The following ZNF184 variants were observed in gnomAD, a reference collection of about 807,000 sequenced individuals.
The protein encoded by ZNF184 is zinc finger protein 184 (Kruppel-like).
A neutral mutation model predicts 54.4 loss-of-function variants in ZNF184; 16 were observed. The observed-to-expected ratio is 0.29, with a 90% CI of 0.20 to 0.45. ZNF184 has a LOEUF of 0.45. ZNF184 is among the 20% of genes least tolerant of loss of function. ZNF184 has a pLI of 1.00. For missense variants in ZNF184, 681 were observed against 888.2 expected (o/e 0.77, Z 2.97); for synonymous variants, 254 against 295.3 (o/e 0.86, Z 1.43).
chr6:27,453,875 A>G lies in ZNF184; in HGVS notation c.299-615T>C, dbSNP rs1037252865. 4.6e-5 allele frequency among the ~76,000 whole-genome samples: 7 copies of G among 152,226 alleles called. No individual in the cohort carries two copies. Among genetic ancestry groups the G allele is most frequent in the African/African-American group, 1.7e-4 (7 of 41,464 alleles). ...GTTTGTGGAAGTGAAAGATGCCAAC[A>G]TCAGAATAACAAGGATGTTCAAATG... On this transcript the variant is annotated intron_variant, in intron 5 of 5. Coordinates refer to ENST00000683788, the MANE Select transcript of ZNF184 (RefSeq NM_001318891.2). The surrounding 1 kb of genome is among the most constrained non-coding windows in gnomAD (Gnocchi z 4.7).
chr6:27,424,544 A>T, the ZNF184 span, among the ~76,000 whole-genome samples: 1 of 152,180 alleles, frequency 6.6e-6, no homozygotes. Context: ...AGTTAGATAC[A>T]GAGTATGGAC....
chr6:27,417,630 A>T, the ZNF184 span, among the ~76,000 whole-genome samples: 177 of 152,184 alleles, frequency 1.2e-3, 2 homozygotes, highest in East Asian at 0.033. Context: ...TCTGGTTCTC[A>T]ATTTGCCCAT....
intron 5 of ZNF184, among the ~76,000 whole-genome samples, chr6:27,454,949 T>C (rs865851981): frequency 1.3e-5 from 2 of 152,142 alleles, no homozygotes; most frequent in Non-Finnish European, 2.9e-5. Context: ...ATCAGGGTTA[T>C]AGATCATGAT....
the ZNF184 span, among the ~76,000 whole-genome samples, chr6:27,432,622 C>G: frequency 3.9e-5 from 6 of 152,102 alleles, no homozygotes; most frequent in Non-Finnish European, 5.9e-5. The surrounding 1 kb of genome is among the most constrained non-coding windows in gnomAD (Gnocchi z 4.0). Context: ...GCTCTTTCTC[C>G]CAGATCTTTC....
In ZNF184 at chr6:27,467,872, A is replaced by G. The variant is rs1763180280; in HGVS notation, c.56T>C (p.Leu19Pro). ...STLLQGGHNL[L>P]SSASFQEAVT... Reference sequence around the variant, plus strand: ...TCTTACCTGAAAACTGGCTGATGAGAGTAGATTATGTCCCCCTTGGAGAAG... The same window carrying G: ...TCTTACCTGAAAACTGGCTGATGAGGGTAGATTATGTCCCCCTTGGAGAAG... The change falls in exon 3 of 6, where the codon CTC (leucine) becomes CCC (proline). Residue 19 changes from leucine (L) to proline (P), a missense_variant. Physicochemically the swap from Leu to Pro is moderately conservative, Grantham distance 98. Coordinates refer to ENST00000683788, the MANE Select transcript of ZNF184 (RefSeq NM_001318891.2). The G allele has an allele frequency of 1.2e-6, 2 of 1,612,304 alleles. No homozygotes were observed. The highest frequency in any genetic ancestry group is 1.7e-6 in the Non-Finnish European group (2 of 1,179,214).
chr6:27,416,889 G>C, the ZNF184 span, among the ~76,000 whole-genome samples: 1 of 152,116 alleles, frequency 6.6e-6, no homozygotes, highest in Non-Finnish European at 1.5e-5. Flanking sequence ...TAATATTGAG[G>C]TTTAGAGAGA....
chr6:27,462,798 G>A lies in ZNF184; in HGVS notation c.75+5055C>T, dbSNP rs1306430139. On this transcript the variant is annotated intron_variant, in intron 3 of 5. Transcript: ENST00000683788. ...GAGAACCGCTTGAACCCAGGAGGCA[G>A]AGGTTGCAGTGAGCTGAGATTGTGC... Among the ~76,000 whole-genome samples, 3 of 151,100 alleles carry A rather than the reference G, an allele frequency of 2.0e-5. No individual in the cohort carries two copies. In the East Asian group the frequency reaches 6.1e-4, roughly 30 times the overall value.
At chr6:27,422,148 A>AAAGAAAGAAAAGAAAG in the ZNF184 span, among the ~76,000 whole-genome samples, 1 of 43,456 alleles carries the variant, frequency 2.3e-5, no homozygotes, top group African/African-American at 8.5e-5. Flanking sequence ...CTCAAAAAAA[A>AAAGAAAGAAAAGAAAG]AAAGAAAGAA....
chr6:27,419,788 T>C, the ZNF184 span, among the ~76,000 whole-genome samples: 2 of 152,156 alleles, frequency 1.3e-5, no homozygotes, highest in African/African-American at 4.8e-5. The surrounding 1 kb of genome is among the most constrained non-coding windows in gnomAD (Gnocchi z 4.8). Flanking sequence ...TGGGCCACTG[T>C]TATCTCTCAC....
Position 27,452,951 on chromosome 6 carries a change from G to A in ZNF184, c.608C>T (p.Thr203Ile). 2 of 1,614,116 alleles carry A rather than the reference G, an allele frequency of 1.2e-6. No homozygotes were observed. The highest frequency in any genetic ancestry group is 1.7e-6 in the Non-Finnish European group (2 of 1,180,008). Residue 203 changes from threonine (T) to isoleucine (I), a missense_variant, in exon 6 of 6, where the codon ACC (threonine) becomes ATC (isoleucine). By Grantham distance (89) the Thr-to-Ile change is moderately conservative. Coordinates refer to ENST00000683788, the MANE Select transcript of ZNF184 (RefSeq NM_001318891.2). This position sits in a 1 kb window ranked among gnomAD's most constrained non-coding sequence, Gnocchi z 5.5. ...LVTQEPSPEE[T>I]STKRSIKQNS... is the part of the protein sequence containing the mutation. ...CTGTTTGATGCTTCTTTTAGTAGAG[G>A]TCTCTTCTGGAGATGGTTCTTGTGT...
chr6:27,413,561 T>G, the ZNF184 span, among the ~76,000 whole-genome samples: 1 of 152,228 alleles, frequency 6.6e-6, no homozygotes, highest in Non-Finnish European at 1.5e-5. Context: ...TTTGTTTTAT[T>G]TGTCCCTTTT....
the ZNF184 span, among the ~76,000 whole-genome samples, chr6:27,434,496 GC>G: frequency 6.6e-6 from 1 of 151,990 alleles, no homozygotes; most frequent in African/African-American, 2.4e-5. Context: ...CAAATATTTT[GC>G]CCATTTTCGA....
chr6:27,424,945 C>T, the ZNF184 span, among the ~76,000 whole-genome samples: 1 of 152,206 alleles, frequency 6.6e-6, no homozygotes, highest in Non-Finnish European at 1.5e-5. Flanking sequence ...TCAGGCATGG[C>T]GGGCTGCAGG....
In ZNF184 at chr6:27,472,611, C is replaced by CA. The variant is rs1279392144; in HGVS notation, c.-140+117dup. 2 of 358,968 alleles carry CA rather than the reference C, an allele frequency of 5.6e-6. No individual in the cohort carries two copies. The highest frequency in any genetic ancestry group is 5.7e-5 in the East Asian group (1 of 17,404). The allele number at this position is 358,968 out of a possible 1,614,324, so 22.2% of individuals were successfully genotyped here. ...GGGTACGCGGGTTCTGCTTCAGATCCAAAAAACCCTTGGTGCCCACCCTAG... is the reference window on the plus strand; with the variant it reads ...GGGTACGCGGGTTCTGCTTCAGATCCAAAAAAACCCTTGGTGCCCACCCTAG... On this transcript the variant is annotated intron_variant, in intron 1 of 5. Transcript: ENST00000683788. This position sits in a 1 kb window ranked among gnomAD's most constrained non-coding sequence, Gnocchi z 4.8.
chr6:27,431,297 G>A, the ZNF184 span, among the ~76,000 whole-genome samples: 1 of 152,198 alleles, frequency 6.6e-6, no homozygotes, highest in African/African-American at 2.4e-5. Flanking sequence ...GGCAAAGGAT[G>A]TGTTCAAGAC....
At chr6:27,413,618 T>C in the ZNF184 span, among the ~76,000 whole-genome samples, 1 of 152,236 alleles carries the variant, frequency 6.6e-6, no homozygotes, top group African/African-American at 2.4e-5. Context: ...TGAGACATCA[T>C]GTAGTTTCAT....
rs184560039 is a variant in ZNF184, at chr6:27,472,412, C to T, written c.-118G>A. 78 of 1,343,206 alleles carry T rather than the reference C, an allele frequency of 5.8e-5. No individual in the cohort carries two copies. The highest frequency in any genetic ancestry group is 2.0e-4 in the Admixed American group (11 of 54,124). The allele number at this position is 1,343,206 out of a possible 1,614,324, so 83.2% of individuals were successfully genotyped here. ...TCTAACTCCCCTTGCAGGGAATCTG[C>T]AACACGCTGAGGTTGTCTACCCTAA... On this transcript the variant is annotated 5_prime_UTR_variant, in exon 2 of 6. Coordinates refer to ENST00000683788, the MANE Select transcript of ZNF184 (RefSeq NM_001318891.2). The surrounding 1 kb of genome is among the most constrained non-coding windows in gnomAD (Gnocchi z 4.8).
chr6:27,440,762 G>GCGAGGC, the ZNF184 span, among the ~76,000 whole-genome samples: 1 of 152,210 alleles, frequency 6.6e-6, no homozygotes, highest in African/African-American at 2.4e-5. Flanking sequence ...CCAGCACTTT[G>GCGAGGC]CGAGGCCGAG....
intron 3 of ZNF184, among the ~76,000 whole-genome samples, chr6:27,458,999 A>G (rs1762933670): frequency 6.6e-6 from 1 of 152,184 alleles, no homozygotes; most frequent in Non-Finnish European, 1.5e-5. Context: ...TAAATATCGC[A>G]TGTTCTCATT....
Sources: allele counts gnomAD v4.1 joint callset (sites outside exome capture counted in the v4.1 genomes callset), GRCh38; gene constraint gnomAD v4.1.1; non-coding constraint Gnocchi (gnomAD v3.1); transcripts MANE v1.5; gene names NCBI Gene and HGNC (gene_info 2026-07-23, HGNC 2026-07-21).